Variants in MBTD1 observed in about 807,000 individuals in gnomAD.
The protein encoded by MBTD1 is MBT domain-containing protein 1.
MBTD1 carries 24 observed loss-of-function variants against 87.8 expected under a neutral mutation model. The ratio of observed to expected loss-of-function variants is 0.27; its 90% CI spans 0.20 to 0.38. The LOEUF (loss-of-function observed/expected upper bound fraction) is 0.38, where lower values mean the gene tolerates loss of function less well. Among genes scored for constraint, MBTD1 ranks in the 10% least tolerant of loss-of-function variants. The probability of loss-of-function intolerance (pLI) is 1.00; values close to 1 mark genes in which losing one functional copy is unlikely to be tolerated. For missense variants in MBTD1, 436 were observed against 760.2 expected, an observed-to-expected ratio of 0.57 and a Z score of 5.02; for synonymous variants, 237 against 248.6, an observed-to-expected ratio of 0.95 and a Z score of 0.44.
intron 2 of MBTD1, among the ~76,000 whole-genome samples, chr17:51,236,917 TTC>T (rs1219210461): frequency 1.3e-5 from 2 of 151,726 alleles, no homozygotes; most frequent in African/African-American, 4.8e-5. Context: ...AACGTAAGAG[TTC>T]TATAAAACTT....
intron 12 of MBTD1, among the ~76,000 whole-genome samples, chr17:51,198,731 T>A (rs964799616): frequency 1.3e-5 from 2 of 152,196 alleles, no homozygotes; most frequent in Non-Finnish European, 2.9e-5. Flanking sequence ...ACTGCAGGCA[T>A]GAGCCACCAA....
intron 6 of MBTD1, among the ~76,000 whole-genome samples, chr17:51,208,294 T>C (rs1266864797): frequency 6.6e-6 from 1 of 152,200 alleles, no homozygotes. Flanking sequence ...TTTACCTCAG[T>C]AACTTGGAGA....
At chr17:51,256,007 C>A (rs912129295) in intron 2 of MBTD1, among the ~76,000 whole-genome samples, 1 of 152,116 alleles carries the variant, frequency 6.6e-6, no homozygotes, top group South Asian at 2.1e-4. Context: ...AGACTGCAAA[C>A]GGTGGCCAAA....
intron 2 of MBTD1, among the ~76,000 whole-genome samples, chr17:51,227,920 C>T (rs1568208338): frequency 6.6e-6 from 1 of 150,950 alleles, no homozygotes; most frequent in African/African-American, 2.4e-5. Flanking sequence ...CCACTGCACT[C>T]CAGCCTGGGC....
At position 51,242,563 on chromosome 17, in the gene MBTD1, T is replaced by A. The variant is rs187128841; in HGVS notation, c.-49+16580A>T. Among the ~76,000 whole-genome samples, 11 of 152,342 alleles carry A rather than the reference T, an allele frequency of 7.2e-5. No individual in the cohort carries two copies. The East Asian group carries it at 1.9e-3, about 27-fold the overall frequency. On this transcript the variant is annotated intron_variant, in intron 2 of 16. Coordinates refer to ENST00000586178, the MANE Select transcript of MBTD1 (RefSeq NM_017643.3). ...TGATTTGAAATAAGTTAGAATTGGTTTCTTTTGGTTTTTAGTCTCCTCCAT... is the reference window on the plus strand; with the variant it reads ...TGATTTGAAATAAGTTAGAATTGGTATCTTTTGGTTTTTAGTCTCCTCCAT...
upstream of MBTD1, chr17:51,260,110 C>T (rs779066732): frequency 1.3e-4 from 50 of 376,872 alleles, no homozygotes; most frequent in Non-Finnish European, 3.8e-5. Context: ...TGGCCCACTT[C>T]CCTACATACC....
intron 2 of MBTD1, among the ~76,000 whole-genome samples, chr17:51,227,126 C>T (rs749297661): frequency 4.0e-5 from 6 of 151,570 alleles, no homozygotes; most frequent in Non-Finnish European, 7.4e-5. Flanking sequence ...CCTGTAGTCC[C>T]AGCTACTGGG....
upstream of MBTD1, chr17:51,260,628 C>T (rs376256071): frequency 1.2e-6 from 2 of 1,612,678 alleles, no homozygotes; most frequent in South Asian, 1.1e-5. Context: ...GACCGGAGAA[C>T]CGGAGCGAAG....
chr17:51,255,834 G>A (rs1185279426), intron 2 of MBTD1, among the ~76,000 whole-genome samples: 1 of 152,164 alleles, frequency 6.6e-6, no homozygotes, highest in African/African-American at 2.4e-5. Context: ...CTGGGTTCAA[G>A]CAATCTGCCT....
At position 51,179,481 on chromosome 17, in the gene MBTD1, A is replaced by ATTATATATATATATAT. The variant is rs1491272569; in HGVS notation, c.*1094_*1095insATATATATATATATAA. 18 of 49,300 alleles carry ATTATATATATATATAT rather than the reference A, an allele frequency of 3.7e-4. 1 individual carries two copies. Among genetic ancestry groups the ATTATATATATATATAT allele is most frequent in the Middle Eastern group, 9.1e-3 (1 of 110 alleles). 3.1% of individuals were successfully genotyped at this position (49,300 alleles called of 1,614,324 possible). ...TAAATCCTGAATACAATTAAAGACAATTTTATATATATATATATATATATA... is the reference window on the plus strand; with the variant it reads ...TAAATCCTGAATACAATTAAAGACAATTATATATATATATATTTTTATATATATATATATATATATA... On this transcript the variant is annotated 3_prime_UTR_variant, in exon 17 of 17. Transcript: ENST00000586178.
At chr17:51,244,310 CACTA>C (rs2054311346) in intron 2 of MBTD1, among the ~76,000 whole-genome samples, 1 of 152,198 alleles carries the variant, frequency 6.6e-6, no homozygotes, top group Non-Finnish European at 1.5e-5. Context: ...AGTATGAATT[CACTA>C]ACTTCTATTT....
intron 4 of MBTD1, 124 bp downstream of exon 4, chr17:51,220,206 A>G (rs1394260149): frequency 1.6e-5 from 14 of 882,332 alleles, no homozygotes; most frequent in Non-Finnish European, 2.1e-5. Context: ...TTTCCTCAAG[A>G]TGTGGTATAA....
intron 5 of MBTD1, 122 bp downstream of exon 5, chr17:51,218,808 G>A (rs2052725677): frequency 1.6e-6 from 1 of 638,614 alleles, no homozygotes; most frequent in Non-Finnish European, 2.8e-6. Context: ...GCTTAGAGCT[G>A]TAATGTGCTG....
intron 2 of MBTD1, chr17:51,250,459 T>C (rs983197001): frequency 2.6e-5 from 4 of 152,224 alleles, no homozygotes; most frequent in African/African-American, 7.2e-5. Flanking sequence ...AGTTCCTGCA[T>C]GTTCAAACTG....
intron 6 of MBTD1, among the ~76,000 whole-genome samples, chr17:51,215,381 T>C (rs2052506510): frequency 6.6e-6 from 1 of 152,224 alleles, no homozygotes; most frequent in Admixed American, 6.5e-5. Context: ...AACAAAATGT[T>C]ATGCTTCTGG....
chr17:51,208,105 T>C (rs1169202354), intron 6 of MBTD1, among the ~76,000 whole-genome samples: 1 of 152,224 alleles, frequency 6.6e-6, no homozygotes, highest in Non-Finnish European at 1.5e-5. Context: ...CCCTCCTACT[T>C]TGGTGGATGC....
At chr17:51,198,740 A>G (rs2051284426) in intron 12 of MBTD1, among the ~76,000 whole-genome samples, 1 of 152,024 alleles carries the variant, frequency 6.6e-6, no homozygotes, top group Non-Finnish European at 1.5e-5. Flanking sequence ...ATGAGCCACC[A>G]AGCCTGGCCT....
chr17:51,237,217 C>A (rs1598407081), intron 2 of MBTD1, among the ~76,000 whole-genome samples: 8 of 150,838 alleles, frequency 5.3e-5, no homozygotes, highest in Non-Finnish European at 5.9e-5. Flanking sequence ...AATCGCTTAA[C>A]CCCAGGAGGC....
At chr17:51,225,341 CTT>C in intron 2 of MBTD1, 132 bp from the exon 3 acceptor site, 1 of 417,446 alleles carries the variant, frequency 2.4e-6, no homozygotes, top group Non-Finnish European at 4.1e-6. Context: ...CATTTTCTTT[CTT>C]TTTTTTTTCT....
Sources: allele counts gnomAD v4.1 joint callset (sites outside exome capture counted in the v4.1 genomes callset), GRCh38; gene constraint gnomAD v4.1.1; transcripts MANE v1.5; gene names NCBI Gene and HGNC (gene_info 2026-07-23, HGNC 2026-07-21).